The following ZNF385B variants were observed in gnomAD, a reference collection of about 807,000 sequenced individuals.
The protein encoded by ZNF385B is zinc finger protein 385B.
Under a neutral mutation model 39.2 loss-of-function variants are expected in ZNF385B, and 23 were observed. That is an observed-to-expected ratio of 0.59 (90% CI 0.42 to 0.83). The LOEUF (loss-of-function observed/expected upper bound fraction) is 0.83, where lower values mean the gene tolerates loss of function less well. ZNF385B is among the 40% of genes least tolerant of loss of function. The probability of loss-of-function intolerance (pLI) is 0.00; values close to 1 mark genes in which losing one functional copy is unlikely to be tolerated. For missense variants in ZNF385B, 552 were observed against 598.9 expected, an observed-to-expected ratio of 0.92 and a Z score of 0.82; for synonymous variants, 205 against 222.6, an observed-to-expected ratio of 0.92 and a Z score of 0.70.
intron 3 of ZNF385B, among the ~76,000 whole-genome samples, chr2:179,561,223 T>C (rs181415145): frequency 7.9e-5 from 12 of 152,310 alleles, no homozygotes; most frequent in Admixed American, 7.2e-4. Context: ...AAGAAAATGA[T>C]GCTTGGGATA....
At chr2:179,445,778 A>C (rs1256418031) in intron 7 of ZNF385B, 50 bp from the exon 8 acceptor site, 2 of 1,476,042 alleles carry the variant, frequency 1.4e-6, no homozygotes, top group Non-Finnish European at 1.8e-6. Context: ...AATTATATAA[A>C]GCTCTTTGTT....
intron 1 of ZNF385B, among the ~76,000 whole-genome samples, chr2:179,792,794 G>A (rs1705425368): frequency 6.6e-6 from 1 of 152,132 alleles, no homozygotes. Context: ...CTTGTTAACT[G>A]AGGTAAAGAG....
At chr2:179,636,875 G>A (rs1691807027) in intron 3 of ZNF385B, among the ~76,000 whole-genome samples, 1 of 151,990 alleles carries the variant, frequency 6.6e-6, no homozygotes, top group Non-Finnish European at 1.5e-5. Flanking sequence ...TAATCATGTC[G>A]ATATAGTTTT....
At chr2:179,452,738 C>T (rs188259147) in intron 6 of ZNF385B, among the ~76,000 whole-genome samples, 120 of 151,982 alleles carry the variant, frequency 7.9e-4, no homozygotes, top group African/African-American at 2.6e-3. Flanking sequence ...TGAAGTCAGA[C>T]AAAAATTTTA....
At chr2:179,849,409 C>A (rs919728281) in intron 1 of ZNF385B, among the ~76,000 whole-genome samples, 2 of 152,328 alleles carry the variant, frequency 1.3e-5, no homozygotes, top group South Asian at 2.1e-4. Flanking sequence ...CAACCTTCCA[C>A]TAGTGATGCC....
intron 3 of ZNF385B, among the ~76,000 whole-genome samples, chr2:179,664,733 TGTA>T (rs2106286844): frequency 1.3e-5 from 2 of 152,192 alleles, no homozygotes; most frequent in Non-Finnish European, 2.9e-5. Flanking sequence ...GGGAAAATAA[TGTA>T]GAACTGGATA....
At chr2:179,468,980 A>T (rs2052430642) in intron 6 of ZNF385B, among the ~76,000 whole-genome samples, 1 of 152,212 alleles carries the variant, frequency 6.6e-6, no homozygotes, top group Non-Finnish European at 1.5e-5. Flanking sequence ...AATTATAAAA[A>T]AATTCTAATG....
At chr2:179,516,855 G>T (rs985188928) in intron 5 of ZNF385B, among the ~76,000 whole-genome samples, 1 of 151,916 alleles carries the variant, frequency 6.6e-6, no homozygotes, top group Admixed American at 6.6e-5. Context: ...TTTTCATCTA[G>T]AAGTTTAATA....
intron 1 of ZNF385B, chr2:179,814,496 GT>G: frequency 1.1e-5 from 7 of 641,086 alleles, no homozygotes; most frequent in South Asian, 1.5e-5. Context: ...GCACTATCAT[GT>G]TTTTCTTCAG....
chr2:179,542,674 T>C (rs2059991191), intron 4 of ZNF385B, among the ~76,000 whole-genome samples: 1 of 152,110 alleles, frequency 6.6e-6, no homozygotes, highest in African/African-American at 2.4e-5. Flanking sequence ...TTACAGCTCT[T>C]CAAAACAGAG....
intron 1 of ZNF385B, among the ~76,000 whole-genome samples, chr2:179,808,842 T>C (rs543859319): frequency 2.6e-5 from 4 of 152,240 alleles, no homozygotes; most frequent in South Asian, 4.1e-4. Flanking sequence ...ACAAAACACA[T>C]ATTATGATTA....
intron 3 of ZNF385B, among the ~76,000 whole-genome samples, chr2:179,655,043 A>C (rs1693593904): frequency 6.6e-6 from 1 of 152,168 alleles, no homozygotes; most frequent in African/African-American, 2.4e-5. Context: ...CTACCCTGGA[A>C]AACTCTGCCG....
At chr2:179,856,215 A>G (rs1478068009) in intron 1 of ZNF385B, among the ~76,000 whole-genome samples, 2 of 152,178 alleles carry the variant, frequency 1.3e-5, no homozygotes, top group African/African-American at 2.4e-5. Context: ...TATTTCTTCA[A>G]TTAGTGCTAG....
At chr2:179,834,126 T>C (rs1233615757) in intron 1 of ZNF385B, among the ~76,000 whole-genome samples, 1 of 152,182 alleles carries the variant, frequency 6.6e-6, no homozygotes, top group Non-Finnish European at 1.5e-5. Flanking sequence ...TGTCAGTAAG[T>C]ACTCATAATC....
At chr2:179,829,648 G>A (rs576374737) in intron 1 of ZNF385B, among the ~76,000 whole-genome samples, 1 of 152,186 alleles carries the variant, frequency 6.6e-6, no homozygotes, top group East Asian at 1.9e-4. Context: ...CAAGTAGCTG[G>A]GACTACAGGC....
chr2:179,742,841 C>T (rs1461029673), intron 3 of ZNF385B, among the ~76,000 whole-genome samples: 1 of 152,004 alleles, frequency 6.6e-6, no homozygotes, highest in Non-Finnish European at 1.5e-5. Flanking sequence ...TGTAACTAGT[C>T]ATTTTTAAGA....
rs1200994866 is a variant in ZNF385B at position 179,447,821 on chromosome 2, A to T, written c.716-1051T>A. 3.3e-5 allele frequency among the ~76,000 whole-genome samples: 5 copies of T among 152,290 alleles called. No homozygotes were observed. In the South Asian group the frequency reaches 8.3e-4, roughly 25 times the overall value. On this transcript the variant is annotated intron_variant, in intron 6 of 9. Transcript: ENST00000410066. Reference sequence around the variant, plus strand: ...GGGAAGGAGAGACTAGGCAACAGCAATGTGGTGTGTGTTTCTGTGTGTATG... The same window carrying T: ...GGGAAGGAGAGACTAGGCAACAGCATTGTGGTGTGTGTTTCTGTGTGTATG...
rs187106005 is a variant in ZNF385B at position 179,800,898 on chromosome 2, A to G, written c.-154-30226T>C. Among the ~76,000 whole-genome samples the G allele has an allele frequency of 2.3e-4, 35 of 152,218 alleles. 1 individual carries two copies. Among genetic ancestry groups the G allele is most frequent in the Non-Finnish European group, 4.6e-4 (31 of 67,976 alleles). The stretch of plus-strand genomic sequence containing the variant: ...AAAAGGATAGACAATTTCTTACATA[A>G]CTACAATGTTATTTCAACCATTCTA... On this transcript the variant is annotated intron_variant, in intron 1 of 9. Transcript: ENST00000410066.
intron 3 of ZNF385B, among the ~76,000 whole-genome samples, chr2:179,632,336 A>G (rs2367892): frequency 0.38 from 58,035 of 152,082 alleles, 11,242 homozygotes; most frequent in African/African-American, 0.45. Flanking sequence ...AAGAATTGAT[A>G]TCACAACAAA....
Sources: gnomAD v4.1 joint callset for allele counts (sites outside exome capture counted in the v4.1 genomes callset) on GRCh38, gnomAD v4.1.1 for gene constraint, MANE v1.5 for transcripts, NCBI Gene and HGNC (gene_info 2026-07-23, HGNC 2026-07-21) for gene names.